The following RSPH14 variants were observed in gnomAD, a reference collection of about 807,000 sequenced individuals.
RSPH14 encodes radial spoke head 14 homolog.
A neutral mutation model predicts 26.7 loss-of-function variants in RSPH14; 20 were observed. That is an observed-to-expected ratio of 0.75 (90% CI 0.53 to 1.09). RSPH14 has a LOEUF of 1.09. RSPH14 is among the 50% of genes least tolerant of loss of function. The probability of loss-of-function intolerance (pLI) is 0.00; values close to 1 mark genes in which losing one functional copy is unlikely to be tolerated. For synonymous variants in RSPH14, 177 were observed against 189.3 expected, an observed-to-expected ratio of 0.93 and a Z score of 0.53; for missense variants, 449 against 457.2, an observed-to-expected ratio of 0.98 and a Z score of 0.16.
chr22:23,074,286 C>T (rs1253121373), intron 4 of RSPH14, among the ~76,000 whole-genome samples: 1 of 152,178 alleles, frequency 6.6e-6, no homozygotes, highest in Non-Finnish European at 1.5e-5. Flanking sequence ...TGCAACATCC[C>T]AGGCAGAGAG....
At chr22:23,180,592 A>AG in the RSPH14 span, 166,300 of 182,126 alleles carry the variant, frequency 0.91, 75,295 homozygotes, top group Middle Eastern at 0.97. Flanking sequence ...CGGCGGCGGC[A>AG]CGGCGGCGGC....
chr22:23,067,701 G>A (rs1030901257), intron 4 of RSPH14, among the ~76,000 whole-genome samples: 2 of 152,110 alleles, frequency 1.3e-5, no homozygotes, highest in African/African-American at 4.8e-5. Flanking sequence ...CTCCCCAACT[G>A]CTCCTCCATC....
chr22:23,062,856 G>A (rs947426950), intron 5 of RSPH14, among the ~76,000 whole-genome samples: 3 of 152,346 alleles, frequency 2.0e-5, no homozygotes, highest in African/African-American at 7.2e-5. Flanking sequence ...CAAGAGTGGG[G>A]ACAAGAGCAG....
At chr22:23,171,028 T>C in the RSPH14 span, among the ~76,000 whole-genome samples, 1 of 152,018 alleles carries the variant, frequency 6.6e-6, no homozygotes, top group Non-Finnish European at 1.5e-5. Context: ...AGTGCAGTAG[T>C]GCAATCTTGG....
chr22:23,093,902 C>T (rs1477178467), intron 4 of RSPH14, among the ~76,000 whole-genome samples: 1 of 152,168 alleles, frequency 6.6e-6, no homozygotes, highest in African/African-American at 2.4e-5. Flanking sequence ...GAGGACAGCC[C>T]ACCAGGGGCC....
intron 4 of RSPH14, among the ~76,000 whole-genome samples, chr22:23,108,401 C>T (rs1173494300): frequency 1.3e-5 from 2 of 152,246 alleles, no homozygotes; most frequent in African/African-American, 4.8e-5. Flanking sequence ...GATAGCTGAC[C>T]AGCTACACAA....
chr22:23,163,613 C>CCCA, the RSPH14 span: 1 of 148,568 alleles, frequency 6.7e-6, no homozygotes, highest in African/African-American at 2.4e-5. Context: ...AAAGCCCCCC[C>CCCA]CCCGCCACAT....
At chr22:23,149,406 AC>A (rs1374280146), upstream of RSPH14, among the ~76,000 whole-genome samples, 1 of 152,132 alleles carries the variant, frequency 6.6e-6, no homozygotes, top group Non-Finnish European at 1.5e-5. Context: ...GTTTTTTCTG[AC>A]CCTGAGGCCC....
the RSPH14 span, chr22:23,161,375 C>G: frequency 2.6e-5 from 23 of 898,646 alleles, no homozygotes; most frequent in Non-Finnish European, 3.9e-5. Flanking sequence ...TCAGGCCATT[C>G]AGGCCTTGAA....
chr22:23,140,587 A>C (rs1416335338), intron 1 of RSPH14, 115 bp from the exon 2 acceptor site: 1 of 1,195,224 alleles, frequency 8.4e-7, no homozygotes, highest in African/African-American at 1.5e-5. Context: ...CATTTTACAG[A>C]TGAGCAAACT....
the RSPH14 span, among the ~76,000 whole-genome samples, chr22:23,175,346 T>G: frequency 6.8e-6 from 1 of 147,810 alleles, no homozygotes; most frequent in African/African-American, 2.5e-5. Context: ...GTTGGCTTGT[T>G]TGTTTGTTTT....
chr22:23,070,052 C>T (rs904102616), intron 4 of RSPH14, among the ~76,000 whole-genome samples: 7 of 152,154 alleles, frequency 4.6e-5, no homozygotes, highest in Non-Finnish European at 8.8e-5. Flanking sequence ...GGCTCGGCTA[C>T]CAGGCCTCAG....
At chr22:23,107,002 C>G (rs746498582) in intron 4 of RSPH14, among the ~76,000 whole-genome samples, 3 of 152,258 alleles carry the variant, frequency 2.0e-5, no homozygotes, top group Non-Finnish European at 4.4e-5. Context: ...CGAACTGCTG[C>G]GGAAGGCAGG....
chr22:23,117,153 C>T (rs1021870384), intron 4 of RSPH14, among the ~76,000 whole-genome samples: 8 of 152,112 alleles, frequency 5.3e-5, no homozygotes, highest in African/African-American at 1.7e-4. Context: ...TTACCAGGAA[C>T]GTTGGTAACT....
At chr22:23,114,111 C>T (rs1462712363) in intron 4 of RSPH14, among the ~76,000 whole-genome samples, 2 of 152,172 alleles carry the variant, frequency 1.3e-5, no homozygotes, top group Non-Finnish European at 2.9e-5. Flanking sequence ...AGGGTGCTGC[C>T]CTCAGAGCCT....
At chr22:23,100,662 C>T (rs1321662275) in intron 4 of RSPH14, among the ~76,000 whole-genome samples, 5 of 152,250 alleles carry the variant, frequency 3.3e-5, no homozygotes, top group Admixed American at 6.5e-5. Flanking sequence ...CACACCCACC[C>T]GGCACAGCCT....
chr22:23,100,973 ATGGAG>A (rs2069285754), intron 4 of RSPH14, among the ~76,000 whole-genome samples: 1 of 152,218 alleles, frequency 6.6e-6, no homozygotes, highest in Non-Finnish European at 1.5e-5. Flanking sequence ...TGCTTTTAAA[ATGGAG>A]TTTAAACATT....
chr22:23,144,111 A>C (rs930097286), upstream of RSPH14, among the ~76,000 whole-genome samples: 5 of 151,046 alleles, frequency 3.3e-5, no homozygotes, highest in Admixed American at 1.3e-4. Flanking sequence ...AAAAAAAAAA[A>C]AAAAAAAAAC....
the RSPH14 span, chr22:23,161,104 C>T: frequency 1.5e-6 from 2 of 1,372,464 alleles, no homozygotes; most frequent in Non-Finnish European, 2.0e-6. Context: ...GAACTTGTGG[C>T]CCTCTCCTGT....
Sources: allele counts gnomAD v4.1 joint callset (sites outside exome capture counted in the v4.1 genomes callset), GRCh38; gene constraint gnomAD v4.1.1; transcripts MANE v1.5; gene names NCBI Gene and HGNC (gene_info 2026-07-23, HGNC 2026-07-21).